Variants in DEPDC5 observed in about 807,000 individuals in gnomAD.
DEPDC5 encodes DEP domain containing 5, GATOR1 subcomplex subunit, also known as GATOR1 complex protein DEPDC5.
A neutral mutation model predicts 217.3 loss-of-function variants in DEPDC5; 73 were observed. The ratio of observed to expected loss-of-function variants is 0.34; its 90% confidence interval spans 0.28 to 0.41. DEPDC5 has a LOEUF of 0.41. Ranked by LOEUF, DEPDC5 falls within the 10% of genes least tolerant of loss-of-function variation. DEPDC5 has a pLI of 1.00. For missense variants in DEPDC5, 1,675 were observed against 2,070.1 expected (o/e 0.81, Z 3.70); for synonymous variants, 733 against 756.7 (o/e 0.97, Z 0.51).
At chr22:31,852,293 A>C (rs972287639) in intron 31 of DEPDC5, among the ~76,000 whole-genome samples, 3 of 150,434 alleles carry the variant, frequency 2.0e-5, no homozygotes, top group African/African-American at 7.3e-5. Context: ...ACCTTATTTC[A>C]TTTCTATCCA....
chr22:31,836,182 T>C (rs1186112913), intron 25 of DEPDC5, among the ~76,000 whole-genome samples: 1 of 152,256 alleles, frequency 6.6e-6, no homozygotes, highest in Non-Finnish European at 1.5e-5. Context: ...TGCAGACATT[T>C]CTGGTTTTCA....
chr22:31,899,206 G>T (rs563897632), intron 40 of DEPDC5, among the ~76,000 whole-genome samples: 70 of 152,318 alleles, frequency 4.6e-4, no homozygotes, highest in African/African-American at 1.4e-3. Flanking sequence ...GCTGCAGAAA[G>T]GGTCCCAGTT....
At chr22:31,826,718 T>G (rs1381628787) in intron 24 of DEPDC5, among the ~76,000 whole-genome samples, 1 of 152,182 alleles carries the variant, frequency 6.6e-6, no homozygotes, top group African/African-American at 2.4e-5. Context: ...TTGTTTTCCA[T>G]GTCTGTCTCC....
intron 38 of DEPDC5, among the ~76,000 whole-genome samples, chr22:31,882,274 G>A (rs1223944107): frequency 2.6e-5 from 4 of 152,100 alleles, no homozygotes; most frequent in African/African-American, 9.7e-5. Flanking sequence ...GCGGAACAAG[G>A]AACTAAGCCT....
At chr22:31,865,640 G>A (rs192000109) in intron 33 of DEPDC5, among the ~76,000 whole-genome samples, 169 of 152,354 alleles carry the variant, frequency 1.1e-3, no homozygotes, top group Middle Eastern at 3.4e-3. Context: ...CCTGCTGGGT[G>A]TAGGGCTGTG....
At chr22:31,791,950 A>T in intron 10 of DEPDC5, 83 bp from the exon 11 acceptor site, 1 of 608,012 alleles carries the variant, frequency 1.6e-6, no homozygotes, top group Non-Finnish European at 2.5e-6. Flanking sequence ...AAAAAAAAAA[A>T]AGAATATTAT....
chr22:31,809,981 C>CA (rs568096155), intron 19 of DEPDC5, among the ~76,000 whole-genome samples: 19 of 149,934 alleles, frequency 1.3e-4, no homozygotes, highest in Non-Finnish European at 2.2e-4. Flanking sequence ...GACTCTGTCT[C>CA]AAAAAAAAAG....
At chr22:31,786,442 AAAAG>A (rs1388444486) in intron 10 of DEPDC5, among the ~76,000 whole-genome samples, 4 of 151,388 alleles carry the variant, frequency 2.6e-5, no homozygotes, top group Admixed American at 6.6e-5. Flanking sequence ...AAAAAAAAAA[AAAAG>A]GGAAAAAATT....
chr22:31,757,560 T>A (rs986195333), intron 2 of DEPDC5: 16 of 152,194 alleles, frequency 1.1e-4, no homozygotes, highest in Non-Finnish European at 1.9e-4. Context: ...TAAATTTTTG[T>A]TGGGTCTGAT....
chr22:31,804,770 C>G, intron 16 of DEPDC5, 72 bp from the exon 17 acceptor site: 1 of 1,492,250 alleles, frequency 6.7e-7, no homozygotes, highest in South Asian at 1.2e-5. Flanking sequence ...ACCTGAAAAA[C>G]AGAAAAGTTA....
intron 14 of DEPDC5, 51 bp downstream of exon 14, chr22:31,798,707 T>C: frequency 6.4e-7 from 1 of 1,573,094 alleles, no homozygotes; most frequent in Non-Finnish European, 8.7e-7. Flanking sequence ...CACATGGCTA[T>C]GTTACCGGAA....
At chr22:31,762,918 G>GAA (rs1305833898) in intron 4 of DEPDC5, among the ~76,000 whole-genome samples, 14 of 151,940 alleles carry the variant, frequency 9.2e-5, no homozygotes, top group African/African-American at 3.4e-4. Flanking sequence ...GGGTTCAAGT[G>GAA]ATTCTCCTGC....
chr22:31,809,722 A>C, intron 19 of DEPDC5, 75 bp downstream of exon 19: 1 of 1,517,164 alleles, frequency 6.6e-7, no homozygotes, highest in South Asian at 1.1e-5. Context: ...GCTCACGCCT[A>C]TAATCCCAGC....
Position 31,857,545 on chromosome 22 carries a change from C to T in DEPDC5, c.3256C>T (p.Pro1086Ser), listed in dbSNP as rs914056153. 1.9e-6 allele frequency: 3 copies of T among 1,610,344 alleles called. No homozygotes were observed. Among genetic ancestry groups the T allele is most frequent in the Non-Finnish European group, 2.5e-6 (3 of 1,178,448 alleles). Reference sequence around the variant, plus strand: ...CATGACTCCCACCTACATGGACAGCCCACGAAAGGTAAAGGAAGCCGCGGT... The same window carrying T: ...CATGACTCCCACCTACATGGACAGCTCACGAAAGGTAAAGGAAGCCGCGGT... Reference protein sequence around the residue: ...VAMTPTYMDSPRKDGAFFMEF... With the variant: ...VAMTPTYMDSSRKDGAFFMEF... The change falls in exon 32 of 43, where the codon CCA (proline) becomes TCA (serine). Residue 1086 changes from proline to serine, a missense_variant. Around this residue, in one of 11 missense-constraint regions of DEPDC5, gnomAD observed 126 missense variants for 113.8 expected, o/e 1.11. Coordinates refer to ENST00000651528, the MANE Select transcript of DEPDC5 (RefSeq NM_001242896.3).
chr22:31,874,811 G>A (rs2092946077), intron 36 of DEPDC5, among the ~76,000 whole-genome samples: 1 of 152,084 alleles, frequency 6.6e-6, no homozygotes, highest in South Asian at 2.1e-4. Flanking sequence ...TACTTACTCT[G>A]TCAGAGCTCT....
chr22:31,888,240 GTT>G (rs71184531), intron 38 of DEPDC5, among the ~76,000 whole-genome samples: 15 of 66,412 alleles, frequency 2.3e-4, no homozygotes, highest in Admixed American at 1.1e-3. Flanking sequence ...TTTGTCTGTG[GTT>G]TTTTTTTTTT....
intron 31 of DEPDC5, among the ~76,000 whole-genome samples, chr22:31,847,523 C>T (rs943309705): frequency 6.6e-6 from 1 of 152,182 alleles, no homozygotes; most frequent in African/African-American, 2.4e-5. Context: ...GGGAAGCAAA[C>T]ACATCCTTCT....
chr22:31,779,223 A>G (rs2084179965), intron 8 of DEPDC5, among the ~76,000 whole-genome samples: 1 of 152,212 alleles, frequency 6.6e-6, no homozygotes, highest in African/African-American at 2.4e-5. Context: ...GAACCACTCC[A>G]TGAACTTCAT....
chr22:31,846,999 C>T, intron 31 of DEPDC5, 32 bp downstream of exon 31: 4 of 1,614,096 alleles, frequency 2.5e-6, no homozygotes, highest in Non-Finnish European at 3.4e-6. Flanking sequence ...GACTTGTCCC[C>T]ACCTTGACAG....
Sources: allele counts gnomAD v4.1 joint callset (sites outside exome capture counted in the v4.1 genomes callset), GRCh38; gene constraint gnomAD v4.1.1; regional missense constraint gnomAD v4.1.1; transcripts MANE v1.5; gene names NCBI Gene and HGNC (gene_info 2026-07-23, HGNC 2026-07-21).